Variants in KDSR observed in about 807,000 individuals in gnomAD.
KDSR encodes 3-dehydrosphinganine reductase.
A neutral mutation model predicts 41.3 loss-of-function variants in KDSR; 23 were observed. The ratio of observed to expected loss-of-function variants is 0.56; its 90% CI spans 0.40 to 0.79. The LOEUF is 0.79. Ranked by LOEUF, KDSR falls within the 30% of genes least tolerant of loss-of-function variation. The pLI, the probability that KDSR is intolerant of heterozygous loss-of-function variation, is 0.00. For missense variants in KDSR, 351 were observed against 416.8 expected (o/e 0.84, Z 1.37); for synonymous variants, 138 against 151.7 (o/e 0.91, Z 0.66).
At chr18:63,338,692 TA>T in intron 8 of KDSR, 107 bp downstream of exon 8, 1 of 760,042 alleles carries the variant, frequency 1.3e-6, no homozygotes, top group Non-Finnish European at 2.2e-6. Flanking sequence ...TCTGACAGAC[TA>T]AAAAATTCTA....
At chr18:63,358,128 G>A (rs1000159108) in intron 3 of KDSR, among the ~76,000 whole-genome samples, 1 of 152,118 alleles carries the variant, frequency 6.6e-6, no homozygotes, top group African/African-American at 2.4e-5. Flanking sequence ...TTGTGCCACT[G>A]CACTCCAGAC....
In KDSR at chr18:63,342,168, C is replaced by CAA. The variant is rs57407258; in HGVS notation, c.693+2240_693+2241dup. Among the ~76,000 whole-genome samples the CAA allele has an allele frequency of 3.1e-4, 38 of 123,694 alleles. No individual in the cohort carries two copies. The East Asian group carries it at 9.0e-3, about 29-fold the overall frequency. The allele number at this position is 123,694 out of a possible 152,430, so 81.1% of individuals were successfully genotyped here. On this transcript the variant is annotated intron_variant, in intron 7 of 9. Transcript: ENST00000645214. ...TGGGTGACAGAGCAAGACTCTATCACAAAAAAAAAAAAAAAAAAGGTTAAA... is the reference window on the plus strand; with the variant it reads ...TGGGTGACAGAGCAAGACTCTATCACAAAAAAAAAAAAAAAAAAAAGGTTAAA...
In KDSR at chr18:63,367,145, C is replaced by A; in HGVS notation, c.-27G>T. On this transcript the variant is annotated 5_prime_UTR_variant, in exon 1 of 10. Transcript: ENST00000645214. ...GCTCCGCGGGGCCAGGGGCCCGGAG[C>A]GGCCGGGCGGGGGCCGCCGGGCAAG... 1 of 1,237,644 alleles carries A rather than the reference C, an allele frequency of 8.1e-7. No homozygotes were observed. Among genetic ancestry groups the A allele is most frequent in the East Asian group, 2.9e-5 (1 of 34,036 alleles). 76.7% of individuals were successfully genotyped at this position (1,237,644 alleles called of 1,614,324 possible). A position where few individuals can be genotyped will look rare whatever the true frequency, so the allele number is the denominator to read the frequency against.
At position 63,367,157 on chromosome 18, in the gene KDSR, G is replaced by A. The variant is rs769313642; in HGVS notation, c.-39C>T. ...CAGGGGCCCGGAGCGGCCGGGCGGGGGCCGCCGGGCAAGGCGCGCAGGGCT... is the reference window on the plus strand; with the variant it reads ...CAGGGGCCCGGAGCGGCCGGGCGGGAGCCGCCGGGCAAGGCGCGCAGGGCT... On this transcript the variant is annotated 5_prime_UTR_variant, in exon 1 of 10. Coordinates refer to ENST00000645214, the MANE Select transcript of KDSR (RefSeq NM_002035.4). 12 of 1,131,266 alleles carry A rather than the reference G, an allele frequency of 1.1e-5. No individual in the cohort carries two copies. In the East Asian group the frequency reaches 3.8e-4, roughly 36 times the overall value. The allele number at this position is 1,131,266 out of a possible 1,614,324, so 70.1% of individuals were successfully genotyped here.
chr18:63,331,764 T>A lies in KDSR; in HGVS notation c.*18A>T. On this transcript the variant is annotated 3_prime_UTR_variant, in exon 10 of 10. Transcript: ENST00000645214. Reference sequence around the variant, plus strand: ...TTCAAATTATTTGGAAACAGTCTTCTTCCAAGGGGTAAGAAGATTAGGCAG... The same window carrying A: ...TTCAAATTATTTGGAAACAGTCTTCATCCAAGGGGTAAGAAGATTAGGCAG... 6.2e-7 allele frequency: 1 copy of A among 1,609,474 alleles called. No homozygotes were observed. Among genetic ancestry groups the A allele is most frequent in the Non-Finnish European group, 8.5e-7 (1 of 1,178,202 alleles).
At chr18:63,358,649 T>C (rs985609881) in intron 3 of KDSR, among the ~76,000 whole-genome samples, 2 of 150,922 alleles carry the variant, frequency 1.3e-5, no homozygotes, top group African/African-American at 4.9e-5. Flanking sequence ...CTGTCTCTAC[T>C]AAAAATACAA....
chr18:63,340,465 C>G (rs2849375), intron 7 of KDSR, among the ~76,000 whole-genome samples: 95,724 of 152,038 alleles, frequency 0.63, 31,470 homozygotes, highest in Admixed American at 0.73. Flanking sequence ...ACAAAGTATT[C>G]GTATAAAAGA....
Position 63,331,029 on chromosome 18 carries a change from G to A in KDSR, c.*753C>T, listed in dbSNP as rs774352195. 3.9e-5 allele frequency: 9 copies of A among 232,300 alleles called. No individual in the cohort carries two copies. The highest frequency in any genetic ancestry group is 1.3e-3 in the Middle Eastern group (1 of 768). The allele number at this position is 232,300 out of a possible 1,614,324, so 14.4% of individuals were successfully genotyped here. On this transcript the variant is annotated 3_prime_UTR_variant, in exon 10 of 10. Coordinates refer to ENST00000645214, the MANE Select transcript of KDSR (RefSeq NM_002035.4). ...GAATGAGAAATGAAACGTTCCCTAA[G>A]CATTTGAGTCTAAAGACAAGAAAGC...
At chr18:63,355,167 A>G in intron 5 of KDSR, 37 bp downstream of exon 5, 5 of 1,338,526 alleles carry the variant, frequency 3.7e-6, no homozygotes, top group Non-Finnish European at 5.4e-6. Context: ...TGCTTTTAGC[A>G]TATGTGCTAC....
chr18:63,341,621 T>C (rs1914342313), intron 7 of KDSR, among the ~76,000 whole-genome samples: 2 of 151,974 alleles, frequency 1.3e-5, no homozygotes, highest in Admixed American at 1.3e-4. Flanking sequence ...TAATAAAATG[T>C]CCCAGAACAA....
At position 63,337,508 on chromosome 18, in the gene KDSR, A is replaced by C. The variant is rs370541564; in HGVS notation, c.777+1292T>G. ...AATAAATATAGCCATGTAAATAAAC[A>C]AAAGTTCTCTGGGGTTGTTGACAAT... On this transcript the variant is annotated intron_variant, in intron 8 of 9. Coordinates refer to ENST00000645214, the MANE Select transcript of KDSR (RefSeq NM_002035.4). 6.4e-4 allele frequency among the ~76,000 whole-genome samples: 97 copies of C among 152,336 alleles called. 1 individual carries two copies. The highest frequency in any genetic ancestry group is 2.2e-3 in the African/African-American group (91 of 41,574).
At chr18:63,355,123 A>C in intron 5 of KDSR, 81 bp downstream of exon 5, 1 of 923,154 alleles carries the variant, frequency 1.1e-6, no homozygotes, top group Non-Finnish European at 1.7e-6. Context: ...CATTCATCTA[A>C]TTGATTCTTA....
intron 3 of KDSR, among the ~76,000 whole-genome samples, chr18:63,357,571 C>CATATAT (rs1174877359): frequency 7.8e-6 from 1 of 128,622 alleles, no homozygotes; most frequent in Non-Finnish European, 1.6e-5. Flanking sequence ...TACATACATA[C>CATATAT]ATATATATAT....
At chr18:63,364,873 T>C (rs536852233) in intron 1 of KDSR, among the ~76,000 whole-genome samples, 2 of 152,374 alleles carry the variant, frequency 1.3e-5, no homozygotes, top group South Asian at 4.1e-4. Context: ...CTTCATCAAA[T>C]AGCTGCATCA....
At chr18:63,366,138 G>C (rs1015774117) in intron 1 of KDSR, 1 of 152,186 alleles carries the variant, frequency 6.6e-6, no homozygotes, top group Non-Finnish European at 1.5e-5. Flanking sequence ...CACTGCAAAC[G>C]GGAAAGTGCT....
chr18:63,332,013 A>T, intron 9 of KDSR, 112 bp from the exon 10 acceptor site: 1 of 1,085,262 alleles, frequency 9.2e-7, no homozygotes, highest in South Asian at 1.8e-5. Flanking sequence ...TGCTCTAAGG[A>T]TGAATATAAT....
At chr18:63,349,677 A>C (rs572243200) in intron 6 of KDSR, among the ~76,000 whole-genome samples, 2 of 152,368 alleles carry the variant, frequency 1.3e-5, no homozygotes, top group Admixed American at 1.3e-4. Context: ...CGCTCGTCCC[A>C]TATCTCACCA....
intron 9 of KDSR, among the ~76,000 whole-genome samples, chr18:63,333,954 C>T (rs879132139): frequency 2.0e-5 from 3 of 152,148 alleles, no homozygotes; most frequent in Non-Finnish European, 4.4e-5. Context: ...CAGGACAACA[C>T]GCCAGGTGTG....
chr18:63,347,948 G>A (rs938100201), intron 6 of KDSR, among the ~76,000 whole-genome samples: 1 of 151,988 alleles, frequency 6.6e-6, no homozygotes, highest in Admixed American at 6.6e-5. Context: ...AAAGGGAGGT[G>A]GACAGGGAGA....
Sources: gnomAD v4.1 joint callset for allele counts (sites outside exome capture counted in the v4.1 genomes callset) on GRCh38, gnomAD v4.1.1 for gene constraint, MANE v1.5 for transcripts, NCBI Gene and HGNC (gene_info 2026-07-23, HGNC 2026-07-21) for gene names.